MYLK3: variants seen among roughly 807,000 people sequenced by gnomAD.
MYLK3 encodes the protein MLC kinase.
A neutral mutation model predicts 76.3 loss-of-function variants in MYLK3; 55 were observed. That is an observed-to-expected ratio of 0.72 (90% CI 0.58 to 0.90). The LOEUF (loss-of-function observed/expected upper bound fraction) is 0.90, where lower values mean the gene tolerates loss of function less well. Ranked by LOEUF, MYLK3 falls within the 40% of genes least tolerant of loss-of-function variation. The probability of loss-of-function intolerance (pLI) is 0.00; values close to 1 mark genes in which losing one functional copy is unlikely to be tolerated. For synonymous variants in MYLK3, 416 were observed against 425.4 expected (o/e 0.98, Z 0.27); for missense variants, 973 against 1,053.6 (o/e 0.92, Z 1.06).
chr16:46,753,524 A>T lies in MYLK3; in HGVS notation c.-114+9516T>A, dbSNP rs143648376. Among the ~76,000 whole-genome samples, 691 of 152,360 alleles carry T rather than the reference A, an allele frequency of 4.5e-3. 4 individuals carry two copies. The highest frequency in any genetic ancestry group is 7.7e-3 in the Non-Finnish European group (522 of 68,032). On this transcript the variant is annotated intron_variant, in intron 1 of 11. Transcript: ENST00000536476. ...AAAAGGATCACTGGATGTTCAAAGAAAGCCTTCAAGATGAAAAGGGAAGAC... is the reference window on the plus strand; with the variant it reads ...AAAAGGATCACTGGATGTTCAAAGATAGCCTTCAAGATGAAAAGGGAAGAC...
chr16:46,742,809 T>C (rs571100605), intron 1 of MYLK3, among the ~76,000 whole-genome samples: 1 of 152,276 alleles, frequency 6.6e-6, no homozygotes, highest in South Asian at 2.1e-4. Context: ...GCGTCATCAA[T>C]GTGGCCCAGA....
In MYLK3 at chr16:46,739,981, G is replaced by A. The variant is rs1966902623; in HGVS notation, c.568+76C>T. 2.0e-5 allele frequency: 21 copies of A among 1,026,348 alleles called. No individual in the cohort carries two copies. In the South Asian group the frequency reaches 3.0e-4, roughly 14 times the overall value. The allele number at this position is 1,026,348 out of a possible 1,614,324, so 63.6% of individuals were successfully genotyped here. On this transcript the variant is annotated intron_variant, in intron 2 of 12. Coordinates refer to ENST00000394809, the MANE Select transcript of MYLK3 (RefSeq NM_182493.3). The stretch of plus-strand genomic sequence containing the variant: ...ACAGTTGCCCAGGAATCATACTGTG[G>A]GCCGTGTTGTTGGGGCCTTTATTCT...
At chr16:46,717,861 C>CTTCCCAGAT (rs1244230683) in intron 9 of MYLK3, among the ~76,000 whole-genome samples, 1 of 152,254 alleles carries the variant, frequency 6.6e-6, no homozygotes, top group Non-Finnish European at 1.5e-5. Context: ...TCAGAAAAGC[C>CTTCCCAGAT]TTCCCAGATT....
chr16:46,757,422 C>T (rs1349648869), intron 1 of MYLK3: 12 of 985,332 alleles, frequency 1.2e-5, no homozygotes, highest in Middle Eastern at 5.2e-4. Flanking sequence ...CTGCCCTTAC[C>T]GCAAATATCT....
intron 9 of MYLK3, among the ~76,000 whole-genome samples, chr16:46,714,204 C>G (rs1427579687): frequency 6.6e-6 from 1 of 152,158 alleles, no homozygotes; most frequent in East Asian, 1.9e-4. Context: ...AAGTTTTATA[C>G]ATGTATAGCA....
chr16:46,734,558 T>G (rs1966859907), intron 3 of MYLK3, among the ~76,000 whole-genome samples: 1 of 151,650 alleles, frequency 6.6e-6, no homozygotes, highest in South Asian at 2.1e-4. Context: ...GAGGTGGAGT[T>G]TGCAGTGAGT....
At chr16:46,752,917 A>T (rs918602625), upstream of MYLK3, among the ~76,000 whole-genome samples, 1 of 152,146 alleles carries the variant, frequency 6.6e-6, no homozygotes. Flanking sequence ...CAAGGCTCTG[A>T]CTCAAGTTGA....
At position 46,758,142 on chromosome 16, in the gene MYLK3, G is replaced by T. The variant is rs543371982; in HGVS notation, c.-114+4898C>A. On this transcript the variant is annotated intron_variant, in intron 1 of 11. Coordinates refer to the MYLK3 transcript ENST00000536476. Reference sequence around the variant, plus strand: ...GTGCAGGAGAAGACAAGGAGACAAGGACACGTGGCTCTGTCAGGGACATGC... The same window carrying T: ...GTGCAGGAGAAGACAAGGAGACAAGTACACGTGGCTCTGTCAGGGACATGC... Among the ~76,000 whole-genome samples, 407 of 152,116 alleles carry T rather than the reference G, an allele frequency of 2.7e-3. 2 individuals carry two copies. The highest frequency in any genetic ancestry group is 9.2e-3 in the African/African-American group (383 of 41,506).
chr16:46,732,539 C>G lies in MYLK3; in HGVS notation c.1131G>C (p.Gly377=). Residue 377 remains glycine, a synonymous_variant, in exon 4 of 13, where the codon GGG becomes GGC. Transcript: ENST00000394809. ...CAGGGGCTTGGAGGCAGCGCCCGGT[C>G]CCAGGTGGGCCCTGCTTGCCTGGCT... ...AAQPGKQGPP[G]TGRCLQAPGT... 1 of 1,602,316 alleles carries G rather than the reference C, an allele frequency of 6.2e-7. No individual in the cohort carries two copies. The highest frequency in any genetic ancestry group is 8.5e-7 in the Non-Finnish European group (1 of 1,179,738).
At chr16:46,750,718 G>C (rs926002397), upstream of MYLK3, among the ~76,000 whole-genome samples, 1 of 151,450 alleles carries the variant, frequency 6.6e-6, no homozygotes, top group African/African-American at 2.4e-5. Context: ...GGCCGGTTGT[G>C]GTGGCTCATG....
At chr16:46,754,571 A>G (rs1375264343) in intron 1 of MYLK3, among the ~76,000 whole-genome samples, 1 of 152,194 alleles carries the variant, frequency 6.6e-6, no homozygotes, top group African/African-American at 2.4e-5. Context: ...TGGACTCTAC[A>G]GAGAGGGCCC....
In MYLK3 at chr16:46,737,694, G is replaced by A. The variant is rs781321771; in HGVS notation, c.1001+17C>T. 3 of 1,580,132 alleles carry A rather than the reference G, an allele frequency of 1.9e-6. No individual in the cohort carries two copies. Among genetic ancestry groups the A allele is most frequent in the Non-Finnish European group, 1.7e-6 (2 of 1,159,914 alleles). ...GTCCATCCCCTCCCTCACCCAGCCT[G>A]GAAGAGCTCCCCTTACCTTGGAGGT... On this transcript the variant is annotated intron_variant, in intron 3 of 12. Transcript: ENST00000394809.
In MYLK3 at chr16:46,709,610, C is replaced by A. The variant is rs1324199354; in HGVS notation, c.2329G>T (p.Ala777Ser). The change falls in exon 12 of 13, where the codon GCT (alanine) becomes TCT (serine). Residue 777 changes from alanine to serine, a missense_variant. Transcript: ENST00000394809. ...HEWLNNLPAK[A>S]SRSKTRLKSQ... is the part of the protein sequence containing the mutation. ...TTGAGACGAGTTTTGGATCTTGAAGCTTTGGCAGGCAAATTATTCAGCCAC... is the reference window on the plus strand; with the variant it reads ...TTGAGACGAGTTTTGGATCTTGAAGATTTGGCAGGCAAATTATTCAGCCAC... The A allele has an allele frequency of 4.3e-6, 7 of 1,614,156 alleles. No individual in the cohort carries two copies. The East Asian group carries it at 1.6e-4, about 36-fold the overall frequency.
Position 46,730,680 on chromosome 16 carries a change from G to T in MYLK3, c.1481C>A (p.Pro494Gln). The change falls in exon 5 of 13, where the codon CCA becomes CAA. Residue 494 changes from proline (P) to glutamine (Q), a missense_variant. Physicochemically the swap from Pro to Gln is moderately conservative, Grantham distance 76. Transcript: ENST00000394809. ...SVVLDDSPAP[P>Q]APFEHRVVSV... is the part of the protein sequence containing the mutation. ...CACTACCCGGTGTTCAAAAGGAGCTGGTGGGGCCGGACTGTCATCTGCTCA... is the reference window on the plus strand; with the variant it reads ...CACTACCCGGTGTTCAAAAGGAGCTTGTGGGGCCGGACTGTCATCTGCTCA... The T allele has an allele frequency of 6.2e-7, 1 of 1,613,986 alleles. No individual in the cohort carries two copies. Among genetic ancestry groups the T allele is most frequent in the Non-Finnish European group, 8.5e-7 (1 of 1,180,008 alleles).
chr16:46,752,682 T>C (rs1000184620), upstream of MYLK3, among the ~76,000 whole-genome samples: 2 of 152,118 alleles, frequency 1.3e-5, no homozygotes, highest in African/African-American at 4.8e-5. Context: ...AAGACCAGCC[T>C]GGGCAACATA....
At chr16:46,725,743 T>A (rs1966839546) in intron 8 of MYLK3, 1 of 152,240 alleles carries the variant, frequency 6.6e-6, no homozygotes, top group African/African-American at 2.4e-5. Context: ...CCTTGTGATG[T>A]CTTTGATTTT....
chr16:46,714,140 AAG>A (rs1966713179), intron 9 of MYLK3, among the ~76,000 whole-genome samples: 1 of 152,204 alleles, frequency 6.6e-6, no homozygotes, highest in African/African-American at 2.4e-5. Context: ...CTTGAAGAAA[AAG>A]AGTCTCTAGC....
intron 8 of MYLK3, chr16:46,726,556 C>A (rs1169718157): frequency 6.8e-6 from 1 of 147,524 alleles, no homozygotes; most frequent in African/African-American, 2.5e-5. Flanking sequence ...CAGAGAGAGG[C>A]CCTGTCTCCA....
chr16:46,747,717 C>A lies in MYLK3; in HGVS notation c.477G>T (p.Glu159Asp), dbSNP rs765616042. ...RRGSPGDSPEENKERVEEEGG... is the reference protein window; with the variant it reads ...RRGSPGDSPEDNKERVEEEGG... The stretch of plus-strand genomic sequence containing the variant: ...CCAGGGCAGGGAAGCAGGAACCAAC[C>A]TCCTCAGGGCTGTCACCTGGGCTGC... Residue 159 changes from glutamate (E) to aspartate (D), a missense_variant and splice_region_variant, in exon 1 of 13, where the codon GAG becomes GAT. Physicochemically the swap from Glu to Asp is conservative, Grantham distance 45 (BLOSUM62 2). This residue lies in a region of MYLK3 where 641 missense variants were observed against 637.0 expected (regional missense o/e 1.01). Coordinates refer to ENST00000394809, the MANE Select transcript of MYLK3 (RefSeq NM_182493.3). 1 of 1,609,460 alleles carries A rather than the reference C, an allele frequency of 6.2e-7. No homozygotes were observed. Among genetic ancestry groups the A allele is most frequent in the Non-Finnish European group, 8.5e-7 (1 of 1,176,944 alleles).
Sources: allele counts gnomAD v4.1 joint callset (sites outside exome capture counted in the v4.1 genomes callset), GRCh38; gene constraint gnomAD v4.1.1; regional missense constraint gnomAD v4.1.1; transcripts MANE v1.5; gene names NCBI Gene and HGNC (gene_info 2026-07-23, HGNC 2026-07-21).